Variants in DNAH10 observed in about 807,000 individuals in gnomAD.
DNAH10 encodes the protein axonemal beta dynein heavy chain 10.
Under a neutral mutation model 506.6 loss-of-function variants are expected in DNAH10, and 348 were observed. The observed-to-expected ratio is 0.69, with a 90% CI of 0.63 to 0.75. The LOEUF is 0.75. Among genes scored for constraint, DNAH10 ranks in the 30% least tolerant of loss-of-function variants. The pLI is 0.00. For synonymous variants in DNAH10, 2,059 were observed against 2,198.6 expected (o/e 0.94, Z 1.78); for missense variants, 5,179 against 5,787.1 (o/e 0.89, Z 3.41).
intron 2 of DNAH10, among the ~76,000 whole-genome samples, chr12:123,770,848 C>G (rs1194003168): frequency 6.6e-6 from 1 of 152,072 alleles, no homozygotes; most frequent in Non-Finnish European, 1.5e-5. Flanking sequence ...GTTTCTGAAT[C>G]TGTATCAATC....
At chr12:123,935,106 G>A in intron 78 of DNAH10, 1 of 603,236 alleles carries the variant, frequency 1.7e-6, no homozygotes, top group Non-Finnish European at 2.9e-6. Flanking sequence ...GACAGCAGAT[G>A]TCTTCTGCTC....
At chr12:123,894,068 G>A (rs1201076923) in intron 53 of DNAH10, among the ~76,000 whole-genome samples, 1 of 147,290 alleles carries the variant, frequency 6.8e-6, no homozygotes, top group African/African-American at 2.5e-5. Context: ...TCTCAGGGTT[G>A]CAGAATGAGC....
Position 123,847,422 on chromosome 12 carries a change from A to G in DNAH10, c.5815-539A>G, listed in dbSNP as rs536817195. On this transcript the variant is annotated intron_variant, in intron 32 of 78. Coordinates refer to ENST00000673944, the MANE Select transcript of DNAH10 (RefSeq NM_001372106.1). The stretch of plus-strand genomic sequence containing the variant: ...ATGATAGGGTCTGATTACTCTCACA[A>G]TCTGCCATCTGCAAGCTGGAGGACC... Among the ~76,000 whole-genome samples the G allele has an allele frequency of 3.9e-5, 6 of 152,184 alleles. No individual in the cohort carries two copies. In the South Asian group the frequency reaches 1.0e-3, roughly 26 times the overall value.
chr12:123,831,076 AT>A (rs1565960586), intron 26 of DNAH10, among the ~76,000 whole-genome samples: 1 of 151,926 alleles, frequency 6.6e-6, no homozygotes, highest in African/African-American at 2.4e-5. Context: ...TTGTAGTTTC[AT>A]TTTCCATTGT....
intron 13 of DNAH10, among the ~76,000 whole-genome samples, chr12:123,798,737 CATTT>C (rs1253000262): frequency 6.8e-6 from 1 of 147,708 alleles, no homozygotes; most frequent in Non-Finnish European, 1.5e-5. Flanking sequence ...ATTATATTAA[CATTT>C]TTATTTATTA....
At chr12:123,789,477 G>A (rs537777581) in intron 10 of DNAH10, among the ~76,000 whole-genome samples, 7 of 151,890 alleles carry the variant, frequency 4.6e-5, no homozygotes, top group Non-Finnish European at 1.0e-4. Context: ...TCTGCCTTCC[G>A]GGTTGAAGTG....
chr12:123,826,122 C>CAA (rs67603019), intron 24 of DNAH10, among the ~76,000 whole-genome samples: 18 of 151,182 alleles, frequency 1.2e-4, no homozygotes, highest in African/African-American at 4.4e-4. Flanking sequence ...ACCCTGTCTC[C>CAA]AAAAAAAATA....
Position 123,894,655 on chromosome 12 carries a change from A to T in DNAH10, c.9212A>T (p.Asn3071Ile). 1 of 1,613,968 alleles carries T rather than the reference A, an allele frequency of 6.2e-7. No homozygotes were observed. Residue 3071 changes from asparagine (N) to isoleucine (I), a missense_variant, in exon 54 of 79, where the codon AAC (asparagine) becomes ATC (isoleucine). By Grantham distance (149) the Asn-to-Ile change is moderately radical (BLOSUM62 -3). Around this residue, in one of 3 missense-constraint regions of DNAH10, gnomAD observed 4,844 missense variants for 5,430.5 expected, o/e 0.89. Coordinates refer to ENST00000673944, the MANE Select transcript of DNAH10 (RefSeq NM_001372106.1). ...WCRNFPGMVN[N>I]TGIDWFMPWP... ...CTTTCCTTTCAAGGTATGGTAAATA[A>T]CACTGGTATTGACTGGTTCATGCCC...
chr12:123,838,398 C>T (rs139965116), intron 28 of DNAH10, 58 bp from the exon 29 acceptor site: 1 of 1,487,532 alleles, frequency 6.7e-7, no homozygotes, highest in Non-Finnish European at 9.2e-7. Flanking sequence ...GGCTCAAGAA[C>T]AGTGTCTCCG....
At position 123,931,850 on chromosome 12, in the gene DNAH10, G is replaced by C. The variant is rs1419474932; in HGVS notation, c.13128+3G>C. The C allele has an allele frequency of 1.9e-6, 3 of 1,613,892 alleles. No homozygotes were observed. In the South Asian group the frequency reaches 3.3e-5, roughly 18 times the overall value. Reference sequence around the variant, plus strand: ...AGTCTCTGGCTGAACTTCAAAGGGTGAGCCTGTCTCTCATGTGCAGATTAC... The same window carrying C: ...AGTCTCTGGCTGAACTTCAAAGGGTCAGCCTGTCTCTCATGTGCAGATTAC... On this transcript the variant is annotated splice_donor_region_variant and intron_variant, in intron 75 of 78. Transcript: ENST00000673944.
Position 123,917,561 on chromosome 12 carries a change from G to A in DNAH10, c.11003-23G>A, listed in dbSNP as rs116580320. The A allele has an allele frequency of 3.9e-3, 6,028 of 1,547,876 alleles. 205 individuals carry two copies. The African/African-American group carries it at 0.073, about 19-fold the overall frequency. On this transcript the variant is annotated intron_variant, in intron 63 of 78. Coordinates refer to ENST00000673944, the MANE Select transcript of DNAH10 (RefSeq NM_001372106.1). The surrounding 1 kb of genome is among the most constrained non-coding windows in gnomAD (Gnocchi z 5.6). ...TGTTGTTGGGGGCCGCAGGTGGTGA[G>A]GGCCTCTCACTGTCCCCCACAGTCA...
At chr12:123,874,907 A>G (rs938801435) in intron 46 of DNAH10, among the ~76,000 whole-genome samples, 1 of 152,182 alleles carries the variant, frequency 6.6e-6, no homozygotes, top group Admixed American at 6.5e-5. Context: ...CCATTCGTCC[A>G]TCTGTCCATC....
chr12:123,786,659 T>G lies in DNAH10; in HGVS notation c.1421+723T>G, dbSNP rs1957864029. ...CCATTGTATGGAGATATATTTTGTT[T>G]CAGATACATATATGTGTGTGTGCAC... On this transcript the variant is annotated intron_variant, in intron 9 of 78. Transcript: ENST00000673944. 0.015 allele frequency among the ~76,000 whole-genome samples: 8 copies of G among 534 alleles called. No homozygotes were observed. The South Asian group carries it at 0.2, about 13-fold the overall frequency. The allele number at this position is 534 out of a possible 152,430, so 0.4% of individuals were successfully genotyped here.
rs779258462 is a variant in DNAH10 at position 123,913,445 on chromosome 12, C to T, written c.10352+130C>T. The T allele has an allele frequency of 1.8e-4, 173 of 977,874 alleles. No homozygotes were observed. The highest frequency in any genetic ancestry group is 3.3e-4 in the Middle Eastern group (1 of 3,028). 60.6% of individuals were successfully genotyped at this position (977,874 alleles called of 1,614,324 possible). A position where few individuals can be genotyped will look rare whatever the true frequency, so the allele number is the denominator to read the frequency against. On this transcript the variant is annotated intron_variant, in intron 60 of 78. Transcript: ENST00000673944. The surrounding 1 kb of genome is among the most constrained non-coding windows in gnomAD (Gnocchi z 5.1). ...AAACCATGTGACCAGGTCTTATGTT[C>T]CTATTATCATGTTTATGGCAGCTAA...
At chr12:123,894,746 A>G (rs752993085) in intron 54 of DNAH10, 23 bp downstream of exon 54, 13 of 1,598,410 alleles carry the variant, frequency 8.1e-6, no homozygotes, top group South Asian at 2.2e-5. Context: ...TGTTATGGGA[A>G]CTGCATTATT....
chr12:123,879,123 C>T (rs1232620599), intron 48 of DNAH10, 141 bp from the exon 49 acceptor site: 13 of 636,392 alleles, frequency 2.0e-5, no homozygotes, highest in Admixed American at 2.9e-5. Context: ...ATTTCATTAA[C>T]GTGAGACTAG....
chr12:123,787,485 G>C lies in DNAH10; in HGVS notation c.1422-319G>C, dbSNP rs146745065. On this transcript the variant is annotated intron_variant, in intron 9 of 78. Transcript: ENST00000673944. This position sits in a 1 kb window ranked among gnomAD's most constrained non-coding sequence, Gnocchi z 4.6. ...CCAAATGGAGGCATTGTCCTGCGCC[G>C]TGTTGCAGCTGCCGCTGTTGACCTC... Among the ~76,000 whole-genome samples, 1 of 152,218 alleles carries C rather than the reference G, an allele frequency of 6.6e-6. No individual in the cohort carries two copies. The highest frequency in any genetic ancestry group is 2.4e-5 in the African/African-American group (1 of 41,456).
Position 123,787,885 on chromosome 12 carries a change from C to T in DNAH10, c.1503C>T (p.Thr501=). 6.2e-7 allele frequency: 1 copy of T among 1,613,660 alleles called. No homozygotes were observed. The change falls in exon 10 of 79, where the codon ACC becomes ACT. Residue 501 remains threonine, a synonymous_variant. Transcript: ENST00000673944. The surrounding 1 kb of genome is among the most constrained non-coding windows in gnomAD (Gnocchi z 4.6). Reference sequence around the variant, plus strand: ...TGTGGAAAAAGGCCTATTTTGACACCCGGGCCAAGATAGAGGCTTCGGGGA... The same window carrying T: ...TGTGGAAAAAGGCCTATTTTGACACTCGGGCCAAGATAGAGGCTTCGGGGA... ...LRLWKKAYFD[T]RAKIEASGRE...
At chr12:123,870,507 G>A (rs758906422) in intron 44 of DNAH10, 22 bp downstream of exon 44, 8 of 1,609,416 alleles carry the variant, frequency 5.0e-6, no homozygotes, top group African/African-American at 1.3e-5. Context: ...TCAAATCCTT[G>A]TTCCTGGGTT....
Sources: allele counts gnomAD v4.1 joint callset (sites outside exome capture counted in the v4.1 genomes callset), GRCh38; gene constraint gnomAD v4.1.1; regional missense constraint gnomAD v4.1.1; non-coding constraint Gnocchi (gnomAD v3.1); transcripts MANE v1.5; gene names NCBI Gene and HGNC (gene_info 2026-07-23, HGNC 2026-07-21).